Variants in ABCB5 observed in about 807,000 individuals in gnomAD.
ABCB5 encodes the protein ATP-binding cassette sub-family B member 5.
Under a neutral mutation model 144.2 loss-of-function variants are expected in ABCB5, and 155 were observed. That is an observed-to-expected ratio of 1.08 (90% CI 0.94 to 1.23). ABCB5 has a LOEUF of 1.23. Among genes scored for constraint, ABCB5 ranks in the 50% most tolerant of loss-of-function variants. The pLI is 0.00. For missense variants in ABCB5, 1,830 were observed against 1,520.8 expected, an observed-to-expected ratio of 1.20 and a Z score of -3.38; for synonymous variants, 610 against 528.6, an observed-to-expected ratio of 1.15 and a Z score of -2.11.
chr7:20,677,003 G>A (rs1785635821), intron 14 of ABCB5, among the ~76,000 whole-genome samples: 2 of 152,084 alleles, frequency 1.3e-5, no homozygotes, highest in Admixed American at 1.3e-4. Context: ...ACTGCTTGCT[G>A]TTTTGTAGTT....
intron 18 of ABCB5, 41 bp downstream of exon 18, chr7:20,699,970 GT>G: frequency 2.5e-6 from 4 of 1,597,950 alleles, no homozygotes; most frequent in Non-Finnish European, 3.4e-6. Flanking sequence ...ATTACTTTTT[GT>G]TGCCATTCTT....
At chr7:20,736,956 G>A (rs148604297) in intron 23 of ABCB5, among the ~76,000 whole-genome samples, 47 of 152,120 alleles carry the variant, frequency 3.1e-4, no homozygotes, top group African/African-American at 1.1e-3. Context: ...TTGGGAGGCC[G>A]AGGCAGGCGG....
At chr7:20,683,294 T>G (rs551785485) in intron 15 of ABCB5, among the ~76,000 whole-genome samples, 1 of 152,294 alleles carries the variant, frequency 6.6e-6, no homozygotes, top group Admixed American at 6.5e-5. Flanking sequence ...CTCATTTTAT[T>G]TCATATTAGT....
intron 1 of ABCB5, among the ~76,000 whole-genome samples, chr7:20,618,340 T>A (rs1325335587): frequency 6.6e-6 from 1 of 152,242 alleles, no homozygotes; most frequent in Non-Finnish European, 1.5e-5. Flanking sequence ...ACCATAATAC[T>A]TTCAAGGTTT....
In ABCB5 at chr7:20,646,047, T is replaced by C. The variant is rs369083566; in HGVS notation, c.890T>C (p.Phe297Ser). 67 of 1,613,744 alleles carry C rather than the reference T, an allele frequency of 4.2e-5. No individual in the cohort carries two copies. The highest frequency in any genetic ancestry group is 5.6e-5 in the Non-Finnish European group (66 of 1,179,808). The change falls in exon 9 of 28, where the codon TTT becomes TCT. Residue 297 changes from phenylalanine (F) to serine (S), a missense_variant. Physicochemically the swap from Phe to Ser is radical, Grantham distance 155 (BLOSUM62 -2). Transcript: ENST00000404938. ...SKVSLGAVYF[F>S]MNGTYGLAFW... Reference sequence around the variant, plus strand: ...GTGTCTCTTGGTGCTGTGTACTTCTTTATGAATGGAACCTATGGACTTGCT... The same window carrying C: ...GTGTCTCTTGGTGCTGTGTACTTCTCTATGAATGGAACCTATGGACTTGCT...
At chr7:20,653,695 G>A (rs1784676391) in intron 13 of ABCB5, among the ~76,000 whole-genome samples, 1 of 152,184 alleles carries the variant, frequency 6.6e-6, no homozygotes, top group Non-Finnish European at 1.5e-5. Context: ...CTGGAAAGGT[G>A]ATAAGAAATC....
intron 13 of ABCB5, among the ~76,000 whole-genome samples, chr7:20,656,169 C>T (rs1426677464): frequency 2.0e-5 from 3 of 152,114 alleles, no homozygotes; most frequent in South Asian, 4.2e-4. Flanking sequence ...AATTGTAAAG[C>T]GTAAACTTCA....
Position 20,702,193 on chromosome 7 carries a change from G to A in ABCB5, c.2337+2058G>A, listed in dbSNP as rs568317706. ...GACTTCAGTCACTGAATAATTCGTC[G>A]TTCATTGTGTTTCAAAGTTAAGTTT... On this transcript the variant is annotated intron_variant, in intron 19 of 27. Transcript: ENST00000404938. Among the ~76,000 whole-genome samples, 94 of 152,286 alleles carry A rather than the reference G, an allele frequency of 6.2e-4. 1 individual carries two copies. The South Asian group carries it at 8.9e-3, about 14-fold the overall frequency.
At chr7:20,628,137 T>C (rs1783949568) in intron 3 of ABCB5, among the ~76,000 whole-genome samples, 1 of 152,200 alleles carries the variant, frequency 6.6e-6, no homozygotes. Context: ...TAGGTATTTC[T>C]CCTAATACTA....
At chr7:20,714,030 G>A (rs917015029) in intron 20 of ABCB5, among the ~76,000 whole-genome samples, 1 of 152,170 alleles carries the variant, frequency 6.6e-6, no homozygotes, top group Non-Finnish European at 1.5e-5. Flanking sequence ...AGCAACCACA[G>A]GGGTCACCTT....
chr7:20,691,454 T>C (rs1191224853), intron 16 of ABCB5, among the ~76,000 whole-genome samples: 4 of 151,976 alleles, frequency 2.6e-5, no homozygotes, highest in Admixed American at 1.3e-4. Context: ...AGTGTATTTA[T>C]TGAGGAAACT....
chr7:20,631,858 G>A (rs960940751), intron 4 of ABCB5, among the ~76,000 whole-genome samples: 2 of 152,042 alleles, frequency 1.3e-5, no homozygotes, highest in South Asian at 2.1e-4. Context: ...TTTCCAAGCC[G>A]CATGAGTACT....
Position 20,741,434 on chromosome 7 carries a change from T to A in ABCB5, c.3025-1443T>A, listed in dbSNP as rs576028513. ...AGAGAGGGAAGTACACCAAAAAAAA[T>A]TTAAAAAATAAAACAAAAAGAAATT... On this transcript the variant is annotated intron_variant, in intron 24 of 27. Transcript: ENST00000404938. Among the ~76,000 whole-genome samples the A allele has an allele frequency of 1.1e-4, 16 of 152,076 alleles. No individual in the cohort carries two copies. The South Asian group carries it at 3.3e-3, about 32-fold the overall frequency.
At chr7:20,711,820 C>CT (rs1787060928) in intron 20 of ABCB5, among the ~76,000 whole-genome samples, 2 of 52,414 alleles carry the variant, frequency 3.8e-5, no homozygotes, top group Admixed American at 2.4e-4. Context: ...TTCTTTCTTT[C>CT]TTTCTTTCTT....
intron 9 of ABCB5, chr7:20,647,224 A>T (rs2128024164): frequency 1.9e-6 from 2 of 1,027,238 alleles, no homozygotes; most frequent in Non-Finnish European, 2.4e-6. Flanking sequence ...AGCACACTTC[A>T]GTTAGCAGAT....
At chr7:20,653,124 T>A (rs1051785334) in intron 13 of ABCB5, among the ~76,000 whole-genome samples, 7 of 152,220 alleles carry the variant, frequency 4.6e-5, no homozygotes, top group Admixed American at 4.6e-4. Context: ...ATCAATGCTC[T>A]CATTTCCCAC....
intron 1 of ABCB5, among the ~76,000 whole-genome samples, chr7:20,621,698 G>A (rs1281632763): frequency 2.6e-5 from 4 of 152,088 alleles, no homozygotes; most frequent in Admixed American, 1.3e-4. Flanking sequence ...ATATAATACA[G>A]ACACAAGCAA....
In ABCB5 at chr7:20,737,286, T is replaced by TA. The variant is rs145584572; in HGVS notation, c.2868-1696dup. 1.5e-3 allele frequency among the ~76,000 whole-genome samples: 231 copies of TA among 152,274 alleles called. 5 individuals are homozygous for TA. In the East Asian group the frequency reaches 0.033, roughly 22 times the overall value. ...CATCGGCATCAGCCCCCATCCCACT[T>TA]ACGTTTCTCTCAGCACTCACTCATT... On this transcript the variant is annotated intron_variant, in intron 23 of 27. Coordinates refer to ENST00000404938, the MANE Select transcript of ABCB5 (RefSeq NM_001163941.2).
At chr7:20,725,799 A>C (rs1322879847) in intron 21 of ABCB5, among the ~76,000 whole-genome samples, 1 of 151,652 alleles carries the variant, frequency 6.6e-6, no homozygotes, top group Non-Finnish European at 1.5e-5. Context: ...ATTCTTATCC[A>C]TTTTCTTCAT....
Sources: gnomAD v4.1 joint callset for allele counts (sites outside exome capture counted in the v4.1 genomes callset) on GRCh38, gnomAD v4.1.1 for gene constraint, MANE v1.5 for transcripts, NCBI Gene and HGNC (gene_info 2026-07-23, HGNC 2026-07-21) for gene names.